Variants in TBCA observed in about 807,000 individuals in gnomAD.
TBCA encodes tubulin-specific chaperone A.
In TBCA, 6 loss-of-function variants were observed where a neutral mutation model predicts 15.8. The observed-to-expected ratio is 0.38, with a 90% CI of 0.21 to 0.75. The LOEUF (loss-of-function observed/expected upper bound fraction) is 0.75. Among genes scored for constraint, TBCA ranks in the 30% least tolerant of loss-of-function variants. The probability of loss-of-function intolerance (pLI) is 0.46; values close to 1 mark genes in which losing one functional copy is unlikely to be tolerated. For synonymous variants in TBCA, 32 were observed against 42.3 expected (o/e 0.76, Z 0.94); for missense variants, 90 against 131.2 (o/e 0.69, Z 1.53).
intron 1 of TBCA, among the ~76,000 whole-genome samples, chr5:77,715,997 G>A (rs1478335251): frequency 6.6e-6 from 1 of 152,150 alleles, no homozygotes; most frequent in Non-Finnish European, 1.5e-5. Context: ...AGGGATTATG[G>A]AAAAGAACAA....
At chr5:77,757,997 G>A (rs1747516195) in intron 1 of TBCA, among the ~76,000 whole-genome samples, 1 of 152,134 alleles carries the variant, frequency 6.6e-6, no homozygotes, top group Admixed American at 6.5e-5. Context: ...GTATAAGGTA[G>A]AAAAAGAGAA....
At chr5:77,718,286 T>C (rs1746449179) in intron 1 of TBCA, among the ~76,000 whole-genome samples, 1 of 152,178 alleles carries the variant, frequency 6.6e-6, no homozygotes, top group Admixed American at 6.5e-5. Context: ...AATAGTAAAA[T>C]ATCAAGGCCT....
chr5:77,693,376 C>T lies in TBCA; in HGVS notation c.160-24G>A, dbSNP rs375579302. On this transcript the variant is annotated intron_variant, in intron 2 of 3. Transcript: ENST00000380377. ...GCCTAGAATGAGAATCTCTGTGAGA[C>T]GTTCAAAGATGGCAGAACTTGTAGG... 59 of 1,599,204 alleles carry T rather than the reference C, an allele frequency of 3.7e-5. 1 individual carries two copies. The highest frequency in any genetic ancestry group is 5.7e-5 in the South Asian group (5 of 88,204).
Position 77,760,766 on chromosome 5 carries a change from C to T in TBCA, c.53+15439G>A, listed in dbSNP as rs201382664. Among the ~76,000 whole-genome samples the T allele has an allele frequency of 3.5e-4, 54 of 152,338 alleles. 1 individual carries two copies. In the East Asian group the frequency reaches 9.3e-3, roughly 26 times the overall value. On this transcript the variant is annotated intron_variant, in intron 1 of 3. Coordinates refer to ENST00000380377, the MANE Select transcript of TBCA (RefSeq NM_004607.3). ...GGAGTGCAGTGGCATGATCTCAGCT[C>T]GCTACAACCTCCACCTCCCAGCCGC...
At chr5:77,749,489 A>T (rs1747264817) in intron 1 of TBCA, among the ~76,000 whole-genome samples, 1 of 152,242 alleles carries the variant, frequency 6.6e-6, no homozygotes, top group Non-Finnish European at 1.5e-5. Context: ...CATATTTCAT[A>T]TATTTATGAC....
intron 1 of TBCA, among the ~76,000 whole-genome samples, chr5:77,735,911 C>T (rs1746891159): frequency 6.6e-6 from 1 of 152,118 alleles, no homozygotes; most frequent in Non-Finnish European, 1.5e-5. Context: ...AACAAAACTG[C>T]CTCTATTTAA....
intron 1 of TBCA, among the ~76,000 whole-genome samples, chr5:77,750,635 G>T (rs935032380): frequency 6.6e-6 from 1 of 152,158 alleles, no homozygotes; most frequent in South Asian, 2.1e-4. Flanking sequence ...GAAAAAAATA[G>T]TAAGAGGCAC....
rs116520252 is a variant in TBCA at position 77,768,442 on chromosome 5, C to T, written c.53+7763G>A. Among the ~76,000 whole-genome samples, 1,131 of 152,292 alleles carry T rather than the reference C, an allele frequency of 7.4e-3. 15 individuals carry two copies. The highest frequency in any genetic ancestry group is 0.026 in the African/African-American group (1,063 of 41,542). On this transcript the variant is annotated intron_variant, in intron 1 of 3. Transcript: ENST00000380377. ...TAGTAAGTGGAGCCTGGGAGCCCATCTATTTAACTCTCACTGCAAGAATAA... is the reference window on the plus strand; with the variant it reads ...TAGTAAGTGGAGCCTGGGAGCCCATTTATTTAACTCTCACTGCAAGAATAA...
intron 1 of TBCA, among the ~76,000 whole-genome samples, chr5:77,741,625 A>G (rs142559323): frequency 2.6e-4 from 40 of 152,364 alleles, no homozygotes; most frequent in African/African-American, 7.0e-4. Flanking sequence ...CTAGTTAAGT[A>G]TTATCCAGAG....
intron 1 of TBCA, among the ~76,000 whole-genome samples, chr5:77,771,789 T>C (rs543004141): frequency 3.9e-5 from 6 of 152,326 alleles, no homozygotes; most frequent in African/African-American, 1.4e-4. Context: ...CTGAGTCACC[T>C]GAAGTGTTCC....
At chr5:77,718,517 T>C (rs2112452515) in intron 1 of TBCA, among the ~76,000 whole-genome samples, 2 of 152,312 alleles carry the variant, frequency 1.3e-5, no homozygotes, top group South Asian at 4.1e-4. Flanking sequence ...ACGGAAGAAC[T>C]AAGGTTGACA....
At chr5:77,757,902 C>T (rs1244188485) in intron 1 of TBCA, among the ~76,000 whole-genome samples, 1 of 152,042 alleles carries the variant, frequency 6.6e-6, no homozygotes, top group Non-Finnish European at 1.5e-5. Flanking sequence ...TCTCATGGCA[C>T]CAAATATGTT....
chr5:77,758,054 G>C (rs1455987437), intron 1 of TBCA, among the ~76,000 whole-genome samples: 2 of 152,174 alleles, frequency 1.3e-5, no homozygotes, highest in East Asian at 3.8e-4. Context: ...AAAAGCTTTA[G>C]AACAGGAAAG....
intron 1 of TBCA, among the ~76,000 whole-genome samples, chr5:77,728,387 A>T (rs1357205226): frequency 6.6e-6 from 1 of 152,186 alleles, no homozygotes; most frequent in Non-Finnish European, 1.5e-5. Flanking sequence ...TGATTCTATA[A>T]ATTTGGTTTC....
intron 1 of TBCA, among the ~76,000 whole-genome samples, chr5:77,722,689 C>T (rs1191544191): frequency 2.0e-5 from 3 of 151,858 alleles, no homozygotes; most frequent in African/African-American, 4.8e-5. Flanking sequence ...AACCAGATTC[C>T]ATCAACTTGG....
At chr5:77,701,360 T>TA (rs1275275202) in intron 2 of TBCA, among the ~76,000 whole-genome samples, 1 of 151,942 alleles carries the variant, frequency 6.6e-6, no homozygotes, top group Non-Finnish European at 1.5e-5. Context: ...CACAATGCAA[T>TA]AACCACCTTA....
At chr5:77,737,446 A>G (rs182656028) in intron 1 of TBCA, among the ~76,000 whole-genome samples, 39 of 152,314 alleles carry the variant, frequency 2.6e-4, no homozygotes, top group African/African-American at 9.1e-4. Context: ...ATTAACTTAT[A>G]TAAGAAGTTA....
At chr5:77,708,109 C>A (rs1746189448) in intron 2 of TBCA, 133 bp downstream of exon 2, 3 of 609,582 alleles carry the variant, frequency 4.9e-6, no homozygotes, top group Non-Finnish European at 8.3e-6. Context: ...GTTTCCTTAT[C>A]TTTAAATGGA....
intron 1 of TBCA, among the ~76,000 whole-genome samples, chr5:77,768,824 C>T (rs1747841442): frequency 6.6e-6 from 1 of 152,156 alleles, no homozygotes; most frequent in African/African-American, 2.4e-5. Context: ...AAGTAGAATA[C>T]TGGAATAGAC....
Sources: gnomAD v4.1 joint callset for allele counts (sites outside exome capture counted in the v4.1 genomes callset) on GRCh38, gnomAD v4.1.1 for gene constraint, MANE v1.5 for transcripts, NCBI Gene and HGNC (gene_info 2026-07-23, HGNC 2026-07-21) for gene names.